Variants in CCSER2 observed in about 807,000 individuals in gnomAD.
The protein encoded by CCSER2 is serine-rich coiled-coil domain-containing protein 2.
In CCSER2, 46 loss-of-function variants were observed where a neutral mutation model predicts 92.3. The ratio of observed to expected loss-of-function variants is 0.50; its 90% CI spans 0.39 to 0.64. The LOEUF is 0.64. Ranked by LOEUF, CCSER2 falls within the 30% of genes least tolerant of loss-of-function variation. The probability of loss-of-function intolerance (pLI) is 0.00; values close to 1 mark genes in which losing one functional copy is unlikely to be tolerated. For missense variants in CCSER2, 1,244 were observed against 1,238.9 expected (o/e 1.00, Z -0.06); for synonymous variants, 433 against 431.4 (o/e 1.00, Z -0.04).
At chr10:84,467,039 C>A (rs1238434688) in intron 7 of CCSER2, among the ~76,000 whole-genome samples, 1 of 152,174 alleles carries the variant, frequency 6.6e-6, no homozygotes, top group Non-Finnish European at 1.5e-5. Flanking sequence ...ATGTGTATAT[C>A]TCATTTAATT....
chr10:84,406,897 A>G (rs1564634333), intron 3 of CCSER2, among the ~76,000 whole-genome samples: 1 of 151,648 alleles, frequency 6.6e-6, no homozygotes, highest in East Asian at 1.9e-4. Context: ...GAGTAAGTTA[A>G]TTTTTTTTTC....
At chr10:84,385,361 A>G (rs771259313) in intron 3 of CCSER2, among the ~76,000 whole-genome samples, 2 of 152,254 alleles carry the variant, frequency 1.3e-5, no homozygotes, top group Non-Finnish European at 2.9e-5. Context: ...AAACTATACT[A>G]CAAAGCTGTA....
Position 84,372,126 on chromosome 10 carries a change from C to T in CCSER2, c.1074C>T (p.Asp358=), listed in dbSNP as rs1403153507. The change falls in exon 2 of 10, where the codon GAC becomes GAT. Residue 358 remains aspartate (D), a synonymous_variant. Transcript: ENST00000372088. ...VEEDATVLAK[D]RAANKDQELI... ...AAGATGCTACAGTTTTGGCTAAGGA[C>T]AGAGCTGCTAATAAGGACCAAGAAC... The T allele has an allele frequency of 1.2e-6, 2 of 1,613,512 alleles. No homozygotes were observed. The highest frequency in any genetic ancestry group is 8.5e-7 in the Non-Finnish European group (1 of 1,179,686).
chr10:84,390,461 T>TTACTGAA lies in CCSER2; in HGVS notation c.1614+16652_1614+16658dup, dbSNP rs1276841073. The stretch of plus-strand genomic sequence containing the variant: ...ATACAAACCTGTATAGCATGTTACC[T>TTACTGAA]TACTGAATACTGTAGGCAATTGTAA... On this transcript the variant is annotated intron_variant, in intron 3 of 9. Transcript: ENST00000372088. 5.3e-5 allele frequency among the ~76,000 whole-genome samples: 8 copies of TTACTGAA among 152,298 alleles called. No homozygotes were observed. In the East Asian group the frequency reaches 9.6e-4, roughly 18 times the overall value.
chr10:84,399,888 C>G (rs1217708640), intron 3 of CCSER2, among the ~76,000 whole-genome samples: 1 of 149,514 alleles, frequency 6.7e-6, no homozygotes, highest in Non-Finnish European at 1.5e-5. Flanking sequence ...AATATATTCA[C>G]TTGTTATTTT....
intron 3 of CCSER2, among the ~76,000 whole-genome samples, chr10:84,388,511 G>C (rs956994986): frequency 6.6e-6 from 1 of 152,138 alleles, no homozygotes; most frequent in African/African-American, 2.4e-5. Flanking sequence ...CAGTGTACTT[G>C]TACCTATTAA....
intron 4 of CCSER2, among the ~76,000 whole-genome samples, chr10:84,425,525 C>T (rs559232527): frequency 2.5e-4 from 38 of 152,152 alleles, no homozygotes; most frequent in Admixed American, 5.9e-4. Flanking sequence ...TTATAATTTA[C>T]TTCATTTTGA....
chr10:84,497,764 G>A (rs1848529432), intron 9 of CCSER2, among the ~76,000 whole-genome samples: 1 of 152,084 alleles, frequency 6.6e-6, no homozygotes, highest in Non-Finnish European at 1.5e-5. Context: ...AATTATTTCA[G>A]GAATTAATGA....
intron 1 of CCSER2, among the ~76,000 whole-genome samples, chr10:84,367,357 C>A (rs899465321): frequency 6.6e-6 from 1 of 150,664 alleles, no homozygotes; most frequent in Non-Finnish European, 1.5e-5. Flanking sequence ...AATTCAATAT[C>A]TTTGTCTTTT....
chr10:84,400,410 GT>G (rs1322162977), intron 3 of CCSER2, among the ~76,000 whole-genome samples: 1 of 152,130 alleles, frequency 6.6e-6, no homozygotes, highest in Non-Finnish European at 1.5e-5. Context: ...GACTCAAGCA[GT>G]CTGCCTGCCT....
chr10:84,434,130 T>C (rs2133479375), intron 5 of CCSER2, among the ~76,000 whole-genome samples: 1 of 152,304 alleles, frequency 6.6e-6, no homozygotes, highest in South Asian at 2.1e-4. Flanking sequence ...TGGCCAGTAA[T>C]TCCCCCTTCA....
intron 1 of CCSER2, among the ~76,000 whole-genome samples, chr10:84,352,413 G>A (rs1844915115): frequency 6.6e-6 from 1 of 152,096 alleles, no homozygotes; most frequent in Non-Finnish European, 1.5e-5. Context: ...ACAAGACATA[G>A]TTCATGGCAC....
At chr10:84,457,736 T>G (rs560977146) in intron 6 of CCSER2, among the ~76,000 whole-genome samples, 45 of 76,064 alleles carry the variant, frequency 5.9e-4, no homozygotes, top group Admixed American at 1.3e-3. Context: ...AAATTTTGTT[T>G]GTTTGTTTTT....
chr10:84,356,063 A>G lies in CCSER2; in HGVS notation c.-39-14951A>G, dbSNP rs551937059. ...GGTTGCAGTGAGCCAAGATCATGCC[A>G]TTGCACTCCAGCCTGGGTGACAAGA... is the stretch of plus-strand genomic sequence containing the variant. On this transcript the variant is annotated intron_variant, in intron 1 of 9. Coordinates refer to ENST00000372088, the MANE Select transcript of CCSER2 (RefSeq NM_001284240.2). Among the ~76,000 whole-genome samples, 25 of 148,920 alleles carry G rather than the reference A, an allele frequency of 1.7e-4. 1 individual carries two copies. In the South Asian group the frequency reaches 4.5e-3, roughly 27 times the overall value.
At chr10:84,345,200 T>G (rs1844410467) in intron 1 of CCSER2, among the ~76,000 whole-genome samples, 1 of 152,120 alleles carries the variant, frequency 6.6e-6, no homozygotes, top group Non-Finnish European at 1.5e-5. Context: ...GATTCTAGAT[T>G]AAGAAATGAG....
chr10:84,510,795 A>G (rs772605427), intron 9 of CCSER2, among the ~76,000 whole-genome samples: 2 of 152,212 alleles, frequency 1.3e-5, no homozygotes, highest in Non-Finnish European at 2.9e-5. Flanking sequence ...AGCAGGGGTA[A>G]TTAGCGGCAA....
At chr10:84,434,255 C>G (rs200642547) in intron 5 of CCSER2, among the ~76,000 whole-genome samples, 7 of 152,128 alleles carry the variant, frequency 4.6e-5, no homozygotes, top group African/African-American at 1.7e-4. Flanking sequence ...GAAACTGCAT[C>G]ATCTTCTCAG....
intron 3 of CCSER2, among the ~76,000 whole-genome samples, chr10:84,404,765 C>T (rs1842294085): frequency 6.6e-6 from 1 of 152,170 alleles, no homozygotes; most frequent in African/African-American, 2.4e-5. Flanking sequence ...TCATCAATGA[C>T]TAGTTATAAA....
intron 3 of CCSER2, among the ~76,000 whole-genome samples, chr10:84,380,796 G>A (rs959724919): frequency 1.3e-5 from 2 of 151,224 alleles, no homozygotes; most frequent in Non-Finnish European, 2.9e-5. Context: ...CTGGGTTCAC[G>A]CCATTCTCCT....
Sources: allele counts gnomAD v4.1 joint callset (sites outside exome capture counted in the v4.1 genomes callset), GRCh38; gene constraint gnomAD v4.1.1; transcripts MANE v1.5; gene names NCBI Gene and HGNC (gene_info 2026-07-23, HGNC 2026-07-21).